Variants in TTYH3 observed in about 807,000 individuals in gnomAD.
TTYH3 encodes the protein tweety family member 3, also known as protein tweety homolog 3.
A neutral mutation model predicts 68.2 loss-of-function variants in TTYH3; 23 were observed. The observed-to-expected ratio is 0.34, with a 90% CI of 0.24 to 0.48. The LOEUF (loss-of-function observed/expected upper bound fraction) is 0.48. TTYH3 is among the 20% of genes least tolerant of loss of function. The probability of loss-of-function intolerance (pLI) is 0.99; values close to 1 mark genes in which losing one functional copy is unlikely to be tolerated. For missense variants in TTYH3, 768 were observed against 727.7 expected (o/e 1.06, Z -0.64); for synonymous variants, 360 against 332.8 (o/e 1.08, Z -0.89).
Position 2,656,491 on chromosome 7 carries a change from A to G in TTYH3, c.1207A>G (p.Ser403Gly). The G allele has an allele frequency of 1.2e-6, 2 of 1,611,032 alleles. No individual in the cohort carries two copies. Among genetic ancestry groups the G allele is most frequent in the Non-Finnish European group, 1.7e-6 (2 of 1,179,242 alleles). Residue 403 changes from serine (S) to glycine (G), a missense_variant, in exon 11 of 14, where the codon AGC becomes GGC. Ser to Gly is a moderately conservative substitution (Grantham distance 56). Coordinates refer to ENST00000258796, the MANE Select transcript of TTYH3 (RefSeq NM_025250.3). ...LFSFVTALMF[S>G]SIVCSVPHTW... is the part of the protein sequence containing the mutation. The stretch of plus-strand genomic sequence containing the variant: ...CTCCTTCGTCACAGCCCTCATGTTC[A>G]GCTCCATCGTCTGCAGCGTCCCGCA...
In TTYH3 at chr7:2,647,432, G is replaced by T; in HGVS notation, c.420G>T (p.Ala140=). 5 of 1,521,860 alleles carry T rather than the reference G, an allele frequency of 3.3e-6. No individual in the cohort carries two copies. Among genetic ancestry groups the T allele is most frequent in the Non-Finnish European group, 4.4e-6 (5 of 1,138,222 alleles). The allele number at this position is 1,521,860 out of a possible 1,614,324, so 94.3% of individuals were successfully genotyped here. Residue 140 remains alanine (A), a synonymous_variant, in exon 4 of 14, where the codon GCG becomes GCT. Coordinates refer to ENST00000258796, the MANE Select transcript of TTYH3 (RefSeq NM_025250.3). The part of the protein sequence containing the change: ...AGVQDRVWDT[A]VGLNHTAEPS... The stretch of plus-strand genomic sequence containing the variant: ...GTCCGGCGCAGGTGTGGGACACGGC[G>T]GTGGGGCTGAACCACACGGCGGAGC...
intron 1 of TTYH3, among the ~76,000 whole-genome samples, chr7:2,640,063 G>T (rs1052849530): frequency 6.6e-6 from 1 of 152,214 alleles, no homozygotes; most frequent in African/African-American, 2.4e-5. Flanking sequence ...GCCTAGCAGC[G>T]TGGCTCCAGG....
rs1464524139 is a variant in TTYH3, at chr7:2,664,642, G to C, written c.*2903G>C. ...CTGTAGGGCCATGGCTGTATGTACTGTCGCTGTGTTTTTTTGTTTTTTTAG... is the reference window on the plus strand; with the variant it reads ...CTGTAGGGCCATGGCTGTATGTACTCTCGCTGTGTTTTTTTGTTTTTTTAG... On this transcript the variant is annotated 3_prime_UTR_variant, in exon 14 of 14. Transcript: ENST00000258796. 1 of 152,072 alleles carries C rather than the reference G, an allele frequency of 6.6e-6. No individual in the cohort carries two copies. The highest frequency in any genetic ancestry group is 1.5e-5 in the Non-Finnish European group (1 of 68,000). 9.4% of individuals were successfully genotyped at this position (152,072 alleles called of 1,614,324 possible). A position where few individuals can be genotyped will look rare whatever the true frequency, so the allele number is the denominator to read the frequency against.
At chr7:2,658,872 C>A in intron 12 of TTYH3, 68 bp from the exon 13 acceptor site, 1 of 1,488,872 alleles carries the variant, frequency 6.7e-7, no homozygotes, top group Non-Finnish European at 9.3e-7. Context: ...TACCCATGGG[C>A]CCCCCGACCT....
At chr7:2,650,290 C>T (rs1002334937) in intron 7 of TTYH3, among the ~76,000 whole-genome samples, 3 of 152,160 alleles carry the variant, frequency 2.0e-5, no homozygotes, top group African/African-American at 7.2e-5. Context: ...TAAAGTACAG[C>T]CAGAGGTCTG....
At chr7:2,647,868 G>C (rs1562713169) in intron 4 of TTYH3, 91 bp from the exon 5 acceptor site, 1 of 1,440,696 alleles carries the variant, frequency 6.9e-7, no homozygotes, top group Non-Finnish European at 9.6e-7. Context: ...GTGCCAGGCT[G>C]CTGGCCTCAG....
intron 13 of TTYH3, among the ~76,000 whole-genome samples, chr7:2,659,225 G>T (rs1786424383): frequency 6.6e-6 from 1 of 152,188 alleles, no homozygotes; most frequent in Non-Finnish European, 1.5e-5. Context: ...GGGTGGGACT[G>T]CCAGCTCCTC....
rs974632166 is a variant in TTYH3 at position 2,645,958 on chromosome 7, A to G, written c.124-895A>G. 5.0e-6 allele frequency: 2 copies of G among 398,506 alleles called. No homozygotes were observed. The highest frequency in any genetic ancestry group is 1.0e-5 in the Non-Finnish European group (2 of 191,838). The allele number at this position is 398,506 out of a possible 1,614,324, so 24.7% of individuals were successfully genotyped here. A position where few individuals can be genotyped will look rare whatever the true frequency, so the allele number is the denominator to read the frequency against. On this transcript the variant is annotated intron_variant, in intron 1 of 13. Coordinates refer to ENST00000258796, the MANE Select transcript of TTYH3 (RefSeq NM_025250.3). The surrounding 1 kb of genome is among the most constrained non-coding windows in gnomAD (Gnocchi z 4.8). ...GGGCTGTCTCGGGCTGGGGGTGAGG[A>G]CAGTAGCTGATGCCGGCAGCCCCCT... is the stretch of plus-strand genomic sequence containing the variant.
At chr7:2,638,821 G>T (rs1474028790) in intron 1 of TTYH3, among the ~76,000 whole-genome samples, 1 of 152,200 alleles carries the variant, frequency 6.6e-6, no homozygotes, top group Admixed American at 6.5e-5. Context: ...GGGGGCTGAG[G>T]CCTAGCCAAA....
At chr7:2,652,127 T>C (rs368717208) in intron 7 of TTYH3, 60 bp from the exon 8 acceptor site, 17 of 1,460,854 alleles carry the variant, frequency 1.2e-5, no homozygotes, top group Non-Finnish European at 1.6e-5. Context: ...CAGGCAGACG[T>C]GCACGCAGTC....
intron 6 of TTYH3, 68 bp downstream of exon 6, chr7:2,649,707 C>A: frequency 6.5e-7 from 1 of 1,532,350 alleles, no homozygotes; most frequent in African/African-American, 1.4e-5. Flanking sequence ...CGAGGGGAAG[C>A]CACACTCCTC....
intron 1 of TTYH3, 134 bp downstream of exon 1, chr7:2,632,412 C>T: frequency 1.1e-6 from 1 of 926,224 alleles, no homozygotes; most frequent in Non-Finnish European, 1.5e-6. Flanking sequence ...GCCACCTCCT[C>T]CTCGCAGGTA....
At chr7:2,658,231 T>C in intron 11 of TTYH3, 55 bp from the exon 12 acceptor site, 3 of 1,461,058 alleles carry the variant, frequency 2.1e-6, no homozygotes, top group Non-Finnish European at 9.1e-7. Flanking sequence ...CATGGGTCTG[T>C]GGCCAGCTCC....
At position 2,646,872 on chromosome 7, in the gene TTYH3, C is replaced by T. The variant is rs1785999202; in HGVS notation, c.143C>T (p.Ala48Val). Residue 48 changes from alanine (A) to valine (V), a missense_variant, in exon 2 of 14, where the codon GCC becomes GTC. Physicochemically the swap from Ala to Val is moderately conservative, Grantham distance 64. Coordinates refer to ENST00000258796, the MANE Select transcript of TTYH3 (RefSeq NM_025250.3). ...DYQQALLLLG[A>V]AALACLALDL... The stretch of plus-strand genomic sequence containing the variant: ...CCTCAGGCCCTGCTGCTCCTGGGGG[C>T]CGCCGCCCTGGCCTGCCTCGCCCTG... The T allele has an allele frequency of 6.3e-7, 1 of 1,596,622 alleles. No individual in the cohort carries two copies. The highest frequency in any genetic ancestry group is 8.5e-7 in the Non-Finnish European group (1 of 1,178,746).
intron 9 of TTYH3, among the ~76,000 whole-genome samples, chr7:2,653,967 A>G (rs1260469527): frequency 2.6e-5 from 4 of 152,236 alleles, no homozygotes; most frequent in African/African-American, 9.6e-5. Flanking sequence ...CTGCCCCCAC[A>G]CACACCGCCC....
chr7:2,640,703 G>A (rs963932076), intron 1 of TTYH3, among the ~76,000 whole-genome samples: 3 of 152,250 alleles, frequency 2.0e-5, no homozygotes, highest in African/African-American at 7.2e-5. Flanking sequence ...GACAGGGCCT[G>A]GAGGCAGAGT....
At chr7:2,652,156 C>T (rs768948332) in intron 7 of TTYH3, 31 bp from the exon 8 acceptor site, 2 of 1,607,466 alleles carry the variant, frequency 1.2e-6, no homozygotes, top group South Asian at 1.1e-5. Context: ...ACAGCTGTTG[C>T]AGCTCAGCCT....
rs926427269 is a variant in TTYH3 at position 2,650,107 on chromosome 7, A to G, written c.871+119A>G. The G allele has an allele frequency of 8.0e-6, 8 of 995,920 alleles. No homozygotes were observed. In the Admixed American group the frequency reaches 1.7e-4, roughly 21 times the overall value. 61.7% of individuals were successfully genotyped at this position (995,920 alleles called of 1,614,324 possible). ...TGTGGGTCCATGGTCTCAGGGAGAC[A>G]GGTCCCAGGCCAAGATGCTAGTGAG... On this transcript the variant is annotated intron_variant, in intron 7 of 13. Transcript: ENST00000258796.
chr7:2,658,166 C>T (rs980301278), intron 11 of TTYH3, 120 bp from the exon 12 acceptor site: 23 of 1,090,180 alleles, frequency 2.1e-5, no homozygotes, highest in Non-Finnish European at 2.8e-5. Context: ...GGAGTGTGCA[C>T]ACGGCCGAGC....
Sources: gnomAD v4.1 joint callset for allele counts (sites outside exome capture counted in the v4.1 genomes callset) on GRCh38, gnomAD v4.1.1 for gene constraint, Gnocchi (gnomAD v3.1) non-coding constraint, MANE v1.5 for transcripts, NCBI Gene and HGNC (gene_info 2026-07-23, HGNC 2026-07-21) for gene names.